Variants in PLSCR2 observed in about 807,000 individuals in gnomAD.
PLSCR2 encodes the protein phospholipid scramblase 2, also known as PL scramblase 2.
PLSCR2 carries 18 observed loss-of-function variants against 25.3 expected under a neutral mutation model. The observed-to-expected ratio is 0.71, with a 90% confidence interval of 0.49 to 1.06. The LOEUF (loss-of-function observed/expected upper bound fraction) is 1.06. Among genes scored for constraint, PLSCR2 ranks in the 50% least tolerant of loss-of-function variants. The probability of loss-of-function intolerance (pLI) is 0.00; values close to 1 mark genes in which losing one functional copy is unlikely to be tolerated. For synonymous variants in PLSCR2, 88 were observed against 87.3 expected, an observed-to-expected ratio of 1.01 and a Z score of -0.04; for missense variants, 243 against 269.5, an observed-to-expected ratio of 0.90 and a Z score of 0.69.
chr3:146,404,029 C>T (rs551957035), intron 2 of PLSCR2, among the ~76,000 whole-genome samples: 12 of 152,212 alleles, frequency 7.9e-5, no homozygotes, highest in Admixed American at 3.9e-4. Context: ...CCACTCACCC[C>T]GTCACTCTCT....
At chr3:146,444,080 C>T (rs1204975683) in intron 6 of PLSCR2, among the ~76,000 whole-genome samples, 2 of 151,848 alleles carry the variant, frequency 1.3e-5, no homozygotes, top group African/African-American at 2.4e-5. Flanking sequence ...CAAAGTTCCT[C>T]TTGTTATTGA....
At chr3:146,411,720 G>A (rs1327562317) in intron 2 of PLSCR2, among the ~76,000 whole-genome samples, 1 of 152,302 alleles carries the variant, frequency 6.6e-6, no homozygotes, top group East Asian at 1.9e-4. Context: ...CCGAAGAAGG[G>A]GCTAGATTTT....
intron 2 of PLSCR2, among the ~76,000 whole-genome samples, chr3:146,397,237 A>G (rs12486656): frequency 0.53 from 79,983 of 151,960 alleles, 21,316 homozygotes; most frequent in South Asian, 0.71. Flanking sequence ...GTATTGCAGA[A>G]ATATAAGTAA....
chr3:146,460,061 G>A (rs2041474077), exon 2 of PLSCR2: 2 of 1,564,156 alleles, frequency 1.3e-6, no homozygotes, highest in East Asian at 2.4e-5. Context: ...GGTGCTTAGG[G>A]TAGACAATAT....
chr3:146,485,391 C>G (rs1316412881), intron 1 of PLSCR2, among the ~76,000 whole-genome samples: 1 of 151,920 alleles, frequency 6.6e-6, no homozygotes, highest in Non-Finnish European at 1.5e-5. Flanking sequence ...GACAGATCAT[C>G]AAAACATAAA....
intron 2 of PLSCR2, among the ~76,000 whole-genome samples, chr3:146,409,933 T>C (rs1268041545): frequency 6.6e-6 from 1 of 152,086 alleles, no homozygotes; most frequent in Non-Finnish European, 1.5e-5. Flanking sequence ...ACCACATTAC[T>C]GTAGCTTTAA....
intron 6 of PLSCR2, among the ~76,000 whole-genome samples, chr3:146,448,845 TG>T (rs961632217): frequency 9.2e-5 from 14 of 152,340 alleles, no homozygotes; most frequent in Admixed American, 7.8e-4. Flanking sequence ...TTTAATTTAA[TG>T]AGTTAGGATG....
chr3:146,491,278 AT>A (rs978187522), intron 1 of PLSCR2, among the ~76,000 whole-genome samples: 26 of 150,760 alleles, frequency 1.7e-4, no homozygotes, highest in African/African-American at 5.1e-4. Context: ...TGCCTTTAAG[AT>A]TTTTTTGTTG....
intron 2 of PLSCR2, among the ~76,000 whole-genome samples, chr3:146,402,035 T>G (rs2038489871): frequency 6.6e-6 from 1 of 152,078 alleles, no homozygotes; most frequent in Admixed American, 6.5e-5. Flanking sequence ...AAGAATATTA[T>G]TATCTTTTGT....
chr3:146,477,093 A>G (rs1456113461), intron 1 of PLSCR2, among the ~76,000 whole-genome samples: 1 of 152,172 alleles, frequency 6.6e-6, no homozygotes, highest in Non-Finnish European at 1.5e-5. Flanking sequence ...GACACCTTAT[A>G]CCAGAGTGTT....
intron 1 of PLSCR2, among the ~76,000 whole-genome samples, chr3:146,488,839 A>T (rs757015735): frequency 1.2e-4 from 19 of 152,172 alleles, no homozygotes; most frequent in Non-Finnish European, 2.5e-4. Flanking sequence ...AGGAATATGA[A>T]TCATTCTATT....
intron 1 of PLSCR2, among the ~76,000 whole-genome samples, chr3:146,471,611 G>T (rs1456291343): frequency 6.9e-5 from 10 of 145,116 alleles, no homozygotes; most frequent in African/African-American, 2.6e-4. Flanking sequence ...CTGTTGCCCC[G>T]ACTGGAGTGC....
At chr3:146,494,650 A>T (rs1018892134) in intron 1 of PLSCR2, 2 of 152,150 alleles carry the variant, frequency 1.3e-5, no homozygotes, top group African/African-American at 4.8e-5. Flanking sequence ...CAGTGAACCT[A>T]AAATACAAAC....
chr3:146,460,036 C>T (rs1300691054), exon 2 of PLSCR2: 2 of 1,590,152 alleles, frequency 1.3e-6, no homozygotes, highest in South Asian at 2.2e-5. Flanking sequence ...GCCTGTTTCC[C>T]AGTGTGTCCA....
intron 1 of PLSCR2, among the ~76,000 whole-genome samples, chr3:146,467,253 G>A (rs552741183): frequency 6.6e-6 from 1 of 152,218 alleles, no homozygotes; most frequent in South Asian, 2.1e-4. Context: ...TGAAATTGTA[G>A]TAGTAAAGTG....
rs73867599 is a variant in PLSCR2 at position 146,404,670 on chromosome 3, G to A, written c.101-8749C>T. 3.8e-3 allele frequency among the ~76,000 whole-genome samples: 577 copies of A among 152,158 alleles called. 5 individuals carry two copies. The highest frequency in any genetic ancestry group is 0.013 in the African/African-American group (522 of 41,516). ...TAGAGTCTCATCTGAATCAGACATT[G>A]GTGAGACTCCAGGCACAATTTGTCC... On this transcript the variant is annotated intron_variant and NMD_transcript_variant, in intron 2 of 3. Coordinates refer to the PLSCR2 transcript ENST00000463633.
downstream of PLSCR2, among the ~76,000 whole-genome samples, chr3:146,431,299 A>G (rs953905580): frequency 6.6e-6 from 1 of 152,180 alleles, no homozygotes; most frequent in African/African-American, 2.4e-5. Context: ...TCTATCCAAA[A>G]TCATTAGATC....
At chr3:146,486,166 C>T (rs566334067) in intron 1 of PLSCR2, among the ~76,000 whole-genome samples, 1 of 152,102 alleles carries the variant, frequency 6.6e-6, no homozygotes, top group South Asian at 2.1e-4. Flanking sequence ...ACAGCTAAAG[C>T]CGTGTTAAGA....
In PLSCR2 at chr3:146,441,825, G is replaced by A; in HGVS notation, c.646-4C>T. The A allele has an allele frequency of 6.4e-7, 1 of 1,572,492 alleles. No individual in the cohort carries two copies. The highest frequency in any genetic ancestry group is 8.7e-7 in the Non-Finnish European group (1 of 1,149,254). ...TTCTTTCAAAAAACATGTAGTCCTGGATAAAAACAAAAATACAGAAATGAA... is the reference window on the plus strand; with the variant it reads ...TTCTTTCAAAAAACATGTAGTCCTGAATAAAAACAAAAATACAGAAATGAA... On this transcript the variant is annotated splice_polypyrimidine_tract_variant and splice_region_variant and intron_variant, in intron 6 of 6. Transcript: ENST00000610787.
Sources: gnomAD v4.1 joint callset for allele counts (sites outside exome capture counted in the v4.1 genomes callset) on GRCh38, gnomAD v4.1.1 for gene constraint, MANE v1.5 for transcripts, NCBI Gene and HGNC (gene_info 2026-07-23, HGNC 2026-07-21) for gene names.